The following PEX7 variants were observed in gnomAD, a reference collection of about 807,000 sequenced individuals.
PEX7 encodes the protein peroxisomal biogenesis factor 7, also known as PTS2 receptor.
A neutral mutation model predicts 47.5 loss-of-function variants in PEX7; 34 were observed. The ratio of observed to expected loss-of-function variants is 0.72; its 90% confidence interval spans 0.54 to 0.95. PEX7 has a LOEUF of 0.95. Ranked by LOEUF, PEX7 falls within the 40% of genes least tolerant of loss-of-function variation. The pLI is 0.00. For synonymous variants in PEX7, 141 were observed against 148.8 expected (o/e 0.95, Z 0.38); for missense variants, 394 against 400.3 (o/e 0.98, Z 0.13).
chr6:136,847,288 G>C (rs1181483277), intron 5 of PEX7, among the ~76,000 whole-genome samples: 1 of 152,008 alleles, frequency 6.6e-6, no homozygotes, highest in South Asian at 2.1e-4. Flanking sequence ...CTCCCATTTC[G>C]TAGGTTGCCT....
intron 9 of PEX7, among the ~76,000 whole-genome samples, chr6:136,904,491 C>T (rs528854131): frequency 2.6e-5 from 4 of 152,096 alleles, no homozygotes; most frequent in Non-Finnish European, 5.9e-5. Context: ...TTGTAACTCC[C>T]ACAATTCCCA....
At chr6:136,899,239 C>T (rs1459436312) in intron 9 of PEX7, among the ~76,000 whole-genome samples, 1 of 149,318 alleles carries the variant, frequency 6.7e-6, no homozygotes, top group Non-Finnish European at 1.5e-5. Flanking sequence ...CAACACCACA[C>T]CCAATTAATT....
intron 5 of PEX7, among the ~76,000 whole-genome samples, chr6:136,856,130 A>G (rs1273078087): frequency 6.6e-6 from 1 of 152,148 alleles, no homozygotes. Context: ...TTTTCAAACT[A>G]TCTGTACAGT....
intron 9 of PEX7, among the ~76,000 whole-genome samples, chr6:136,903,217 G>A (rs1396597259): frequency 6.6e-6 from 1 of 152,100 alleles, no homozygotes; most frequent in Non-Finnish European, 1.5e-5. Context: ...AACATCGCTT[G>A]CATTCCAGAA....
At chr6:136,886,891 A>G (rs1775475918) in intron 8 of PEX7, among the ~76,000 whole-genome samples, 1 of 152,110 alleles carries the variant, frequency 6.6e-6, no homozygotes, top group Admixed American at 6.6e-5. Context: ...CACCTCTACA[A>G]AATTAAAACA....
chr6:136,877,795 C>T (rs545764270), intron 8 of PEX7, among the ~76,000 whole-genome samples: 14 of 152,132 alleles, frequency 9.2e-5, no homozygotes, highest in South Asian at 4.2e-4. Context: ...GGCTCTTTTT[C>T]GGTTCCATAT....
At position 136,855,160 on chromosome 6, in the gene PEX7, T is replaced by C. The variant is rs533152571; in HGVS notation, c.526+8979T>C. On this transcript the variant is annotated intron_variant, in intron 5 of 9. Coordinates refer to ENST00000318471, the MANE Select transcript of PEX7 (RefSeq NM_000288.4). ...AAGACTTACCTGCTGGGAGCTCTAA[T>C]TGGCAACATACACAGTAAACTAAAA... Among the ~76,000 whole-genome samples, 2 of 152,090 alleles carry C rather than the reference T, an allele frequency of 1.3e-5. 1 individual carries two copies. Among genetic ancestry groups the C allele is most frequent in the South Asian group, 4.2e-4 (2 of 4,816 alleles).
intron 5 of PEX7, among the ~76,000 whole-genome samples, chr6:136,848,603 A>G (rs1774675681): frequency 6.6e-6 from 1 of 152,212 alleles, no homozygotes; most frequent in African/African-American, 2.4e-5. Flanking sequence ...ATCTGTTGAG[A>G]TAATCATGTG....
intron 8 of PEX7, among the ~76,000 whole-genome samples, chr6:136,881,516 C>G (rs1315109549): frequency 1.3e-5 from 2 of 152,134 alleles, no homozygotes; most frequent in Admixed American, 6.5e-5. Context: ...TTAATTGGGA[C>G]ATCTTAAATC....
intron 5 of PEX7, among the ~76,000 whole-genome samples, chr6:136,863,521 G>A (rs1775003690): frequency 6.6e-6 from 1 of 152,142 alleles, no homozygotes. Flanking sequence ...CTAAAGGGCT[G>A]TGGACCAAAT....
intron 9 of PEX7, among the ~76,000 whole-genome samples, chr6:136,902,301 G>A (rs568368201): frequency 1.4e-3 from 215 of 152,078 alleles, no homozygotes; most frequent in African/African-American, 4.9e-3. Context: ...TTAAGGCTCT[G>A]TGTTTTTATA....
In PEX7 at chr6:136,822,663, G is replaced by C; in HGVS notation, c.-3G>C. Reference sequence around the variant, plus strand: ...GCAGCGAGGGCCGGGGGCGGCGGGCGGGATGAGTGCGGTGTGCGGTGGAGC... The same window carrying C: ...GCAGCGAGGGCCGGGGGCGGCGGGCCGGATGAGTGCGGTGTGCGGTGGAGC... On this transcript the variant is annotated 5_prime_UTR_variant, in exon 1 of 10. Transcript: ENST00000318471. 1 of 1,526,406 alleles carries C rather than the reference G, an allele frequency of 6.6e-7. No homozygotes were observed. Among genetic ancestry groups the C allele is most frequent in the East Asian group, 2.5e-5 (1 of 40,158 alleles). 94.6% of individuals were successfully genotyped at this position (1,526,406 alleles called of 1,614,324 possible). A position where few individuals can be genotyped will look rare whatever the true frequency, so the allele number is the denominator to read the frequency against.
chr6:136,884,394 A>C (rs1288883041), intron 8 of PEX7, among the ~76,000 whole-genome samples: 4 of 152,182 alleles, frequency 2.6e-5, no homozygotes, highest in African/African-American at 9.6e-5. Flanking sequence ...ACCAACAGTA[A>C]CCTGTTTAAT....
chr6:136,822,905 C>T (rs1292067793), intron 1 of PEX7, 110 bp downstream of exon 1: 15 of 1,214,498 alleles, frequency 1.2e-5, no homozygotes, highest in Non-Finnish European at 1.5e-5. Flanking sequence ...TAGACGGTTC[C>T]GCGGGTCCAC....
chr6:136,848,567 T>A (rs1774674714), intron 5 of PEX7, among the ~76,000 whole-genome samples: 1 of 152,260 alleles, frequency 6.6e-6, no homozygotes, highest in Admixed American at 6.5e-5. Flanking sequence ...GAAGGGCTGT[T>A]CAATTTGGTC....
chr6:136,837,233 G>A (rs770422273), intron 3 of PEX7, among the ~76,000 whole-genome samples: 10 of 151,314 alleles, frequency 6.6e-5, no homozygotes, highest in Admixed American at 1.3e-4. Flanking sequence ...GTGTGGTGGC[G>A]GCCTCTGTAG....
intron 1 of PEX7, chr6:136,823,174 C>A (rs1416044708): frequency 4.1e-6 from 4 of 985,394 alleles, no homozygotes; most frequent in Admixed American, 1.2e-4. Context: ...ACGGGGAAGA[C>A]GGTCTGAGCC....
intron 8 of PEX7, among the ~76,000 whole-genome samples, chr6:136,876,851 C>T (rs1440067385): frequency 1.3e-5 from 2 of 152,168 alleles, no homozygotes; most frequent in Non-Finnish European, 2.9e-5. Flanking sequence ...TGGGTATATA[C>T]CCAGTAATGG....
At chr6:136,858,636 A>G (rs1423454351) in intron 5 of PEX7, among the ~76,000 whole-genome samples, 1 of 152,234 alleles carries the variant, frequency 6.6e-6, no homozygotes, top group Non-Finnish European at 1.5e-5. Context: ...GAAGCACTGT[A>G]CTAGTCTATG....
Sources: allele counts gnomAD v4.1 joint callset (sites outside exome capture counted in the v4.1 genomes callset), GRCh38; gene constraint gnomAD v4.1.1; transcripts MANE v1.5; gene names NCBI Gene and HGNC (gene_info 2026-07-23, HGNC 2026-07-21).